The following PDSS1 variants were observed in gnomAD, a reference collection of about 807,000 sequenced individuals.
The protein encoded by PDSS1 is all trans-polyprenyl-diphosphate synthase PDSS1.
PDSS1 carries 43 observed loss-of-function variants against 57.5 expected under a neutral mutation model. The ratio of observed to expected loss-of-function variants is 0.75; its 90% CI spans 0.59 to 0.96. The LOEUF is 0.96. Ranked by LOEUF, PDSS1 falls within the 50% of genes least tolerant of loss-of-function variation. PDSS1 has a pLI of 0.00. For missense variants in PDSS1, 438 were observed against 527.8 expected, an observed-to-expected ratio of 0.83 and a Z score of 1.67; for synonymous variants, 175 against 191.3, an observed-to-expected ratio of 0.91 and a Z score of 0.70.
intron 1 of PDSS1, among the ~76,000 whole-genome samples, chr10:26,698,510 C>T (rs1834948906): frequency 6.6e-6 from 1 of 152,126 alleles, no homozygotes; most frequent in Non-Finnish European, 1.5e-5. Flanking sequence ...TTCAGGGTCT[C>T]CTCTGCTGCC....
At chr10:26,730,446 A>G (rs1468815433) in intron 8 of PDSS1, among the ~76,000 whole-genome samples, 1 of 151,138 alleles carries the variant, frequency 6.6e-6, no homozygotes, top group Non-Finnish European at 1.5e-5. Flanking sequence ...CTCTGTCTAC[A>G]AGGAATACAA....
At chr10:26,698,097 G>A (rs1490700824) in intron 1 of PDSS1, among the ~76,000 whole-genome samples, 2 of 152,190 alleles carry the variant, frequency 1.3e-5, no homozygotes, top group Admixed American at 1.3e-4. Context: ...GAGCGTTTTG[G>A]GGGGTGGAGA....
At chr10:26,732,621 C>T (rs1253543165) in intron 8 of PDSS1, among the ~76,000 whole-genome samples, 1 of 152,196 alleles carries the variant, frequency 6.6e-6, no homozygotes, top group Non-Finnish European at 1.5e-5. Flanking sequence ...CCGTCTGTGT[C>T]TCAGTTTCTC....
At chr10:26,704,101 A>AAAAAAAAAAAAAAAAG (rs1428310623) in intron 2 of PDSS1, among the ~76,000 whole-genome samples, 1 of 148,684 alleles carries the variant, frequency 6.7e-6, no homozygotes, top group South Asian at 2.1e-4. Flanking sequence ...AAAAAAAAAA[A>AAAAAAAAAAAAAAAAG]ATATGGCTAG....
chr10:26,709,601 T>C, intron 4 of PDSS1, 37 bp from the exon 5 acceptor site: 1 of 1,611,048 alleles, frequency 6.2e-7, no homozygotes, highest in Non-Finnish European at 8.5e-7. Context: ...TGTGCAGTTT[T>C]TTGATGCCAT....
At chr10:26,702,237 G>A (rs1010396993) in intron 2 of PDSS1, 43 bp downstream of exon 2, 5 of 442,656 alleles carry the variant, frequency 1.1e-5, no homozygotes, top group Non-Finnish European at 1.8e-5. Flanking sequence ...GCTAGAATGA[G>A]TTAAGACTTT....
intron 1 of PDSS1, chr10:26,701,761 G>T (rs1166754847): frequency 6.6e-6 from 3 of 452,926 alleles, no homozygotes; most frequent in African/African-American, 6.0e-5. Flanking sequence ...CCCTGCTGGG[G>T]CACTGCCTAA....
At chr10:26,721,493 A>T (rs1042133530) in intron 6 of PDSS1, among the ~76,000 whole-genome samples, 1 of 151,636 alleles carries the variant, frequency 6.6e-6, no homozygotes, top group Admixed American at 6.6e-5. Context: ...TGCTGGTTTT[A>T]TTTGAACATA....
At chr10:26,725,477 A>G (rs1296897273) in intron 8 of PDSS1, among the ~76,000 whole-genome samples, 3 of 152,194 alleles carry the variant, frequency 2.0e-5, no homozygotes, top group Non-Finnish European at 2.9e-5. Context: ...TCTTTTTATT[A>G]AAAGGGCTAT....
intron 4 of PDSS1, among the ~76,000 whole-genome samples, chr10:26,708,977 C>A (rs1564419128): frequency 1.3e-5 from 2 of 152,188 alleles, no homozygotes; most frequent in Non-Finnish European, 2.9e-5. Context: ...CGAACCAGCC[C>A]CTGTTCCTTT....
rs765240796 is a variant in PDSS1, at chr10:26,742,482, CTCT to C, written c.1027-13_1027-11del. 1.4e-5 allele frequency: 22 copies of C among 1,588,208 alleles called. No individual in the cohort carries two copies. The highest frequency in any genetic ancestry group is 7.7e-5 in the South Asian group (7 of 90,478). ...ATAAATAGATTTTCTCAGATTTTCT[CTCT>C]TTTTTTGTTAGTTCCCAGAAATGAA... On this transcript the variant is annotated splice_polypyrimidine_tract_variant and intron_variant, in intron 10 of 11. Coordinates refer to ENST00000376215, the MANE Select transcript of PDSS1 (RefSeq NM_014317.5).
chr10:26,699,588 T>G (rs1414467731), intron 1 of PDSS1, among the ~76,000 whole-genome samples: 1 of 151,996 alleles, frequency 6.6e-6, no homozygotes, highest in Non-Finnish European at 1.5e-5. Context: ...AGAGACGGCA[T>G]TTCACCATGT....
At chr10:26,704,807 A>ATT in intron 3 of PDSS1, 66 bp downstream of exon 3, 1 of 921,460 alleles carries the variant, frequency 1.1e-6, no homozygotes, top group Non-Finnish European at 1.8e-6. Flanking sequence ...TTGTTTAAAA[A>ATT]ATTTTTTTTG....
At chr10:26,709,277 T>C (rs1835342310) in intron 4 of PDSS1, among the ~76,000 whole-genome samples, 1 of 152,188 alleles carries the variant, frequency 6.6e-6, no homozygotes, top group Non-Finnish European at 1.5e-5. Context: ...GAAGAAATCC[T>C]GGCCAGGCAC....
rs989908887 is a variant in PDSS1, at chr10:26,745,989, T to C, written c.1108-344T>C. ...ATTTTTTAAGTAAGTTTTACTTGTG[T>C]TTTTTTTACATTTAAAAATGTTGTA... On this transcript the variant is annotated intron_variant, in intron 11 of 11. Coordinates refer to ENST00000376215, the MANE Select transcript of PDSS1 (RefSeq NM_014317.5). Among the ~76,000 whole-genome samples, 13 of 151,584 alleles carry C rather than the reference T, an allele frequency of 8.6e-5. No individual in the cohort carries two copies. The East Asian group carries it at 2.3e-3, about 27-fold the overall frequency.
At chr10:26,709,578 C>T in intron 4 of PDSS1, 60 bp from the exon 5 acceptor site, 2 of 1,556,770 alleles carry the variant, frequency 1.3e-6, no homozygotes, top group South Asian at 2.2e-5. Context: ...AAAAAGAAAT[C>T]CTGTTGGCTT....
At chr10:26,740,260 C>T (rs548179216) in intron 10 of PDSS1, among the ~76,000 whole-genome samples, 7 of 152,000 alleles carry the variant, frequency 4.6e-5, no homozygotes, top group South Asian at 2.1e-4. Context: ...CAGTGAGCTA[C>T]GATTGCACCA....
At position 26,742,420 on chromosome 10, in the gene PDSS1, C is replaced by T. The variant is rs1033692985; in HGVS notation, c.1027-77C>T. The T allele has an allele frequency of 8.8e-6, 9 of 1,020,876 alleles. No homozygotes were observed. In the African/African-American group the frequency reaches 1.2e-4, roughly 14 times the overall value. The allele number at this position is 1,020,876 out of a possible 1,614,324, so 63.2% of individuals were successfully genotyped here. Reference sequence around the variant, plus strand: ...TGTTTCTTGTTATTTCCTATTGTTACAAACTAGTGTTAGAACACTTGTTTC... The same window carrying T: ...TGTTTCTTGTTATTTCCTATTGTTATAAACTAGTGTTAGAACACTTGTTTC... On this transcript the variant is annotated intron_variant, in intron 10 of 11. Coordinates refer to ENST00000376215, the MANE Select transcript of PDSS1 (RefSeq NM_014317.5).
At chr10:26,727,043 T>C (rs574514021) in intron 8 of PDSS1, among the ~76,000 whole-genome samples, 3 of 141,250 alleles carry the variant, frequency 2.1e-5, no homozygotes, top group Admixed American at 7.3e-5. Context: ...GCCTGGGCAA[T>C]AGAGCGAGAG....
Sources: allele counts gnomAD v4.1 joint callset (sites outside exome capture counted in the v4.1 genomes callset), GRCh38; gene constraint gnomAD v4.1.1; transcripts MANE v1.5; gene names NCBI Gene and HGNC (gene_info 2026-07-23, HGNC 2026-07-21).